The following ZNF551 variants were observed in gnomAD, a reference collection of about 807,000 sequenced individuals.
ZNF551 encodes KOX 23 protein (56 AA).
ZNF551 carries 5 observed loss-of-function variants against 7.9 expected under a neutral mutation model. The ratio of observed to expected loss-of-function variants is 0.63; its 90% CI spans 0.33 to 1.33. The LOEUF (loss-of-function observed/expected upper bound fraction) is 1.33. Ranked by LOEUF, ZNF551 falls within the 40% of genes most tolerant of loss-of-function variation. The probability of loss-of-function intolerance (pLI) is 0.05; values close to 1 mark genes in which losing one functional copy is unlikely to be tolerated. For missense variants in ZNF551, 788 were observed against 825.2 expected, an observed-to-expected ratio of 0.95 and a Z score of 0.55; for synonymous variants, 287 against 277.3, an observed-to-expected ratio of 1.03 and a Z score of -0.35.
At position 57,685,388 on chromosome 19, in the gene ZNF551, A is replaced by G; in HGVS notation, c.205+3A>G. ...CTTTGCACATGTAACATCCCTGGGT[A>G]AGGCCCTAGCATCCCTCCGAGTGTC... On this transcript the variant is annotated splice_donor_region_variant and intron_variant, in intron 2 of 2. Coordinates refer to ENST00000282296, the MANE Select transcript of ZNF551 (RefSeq NM_138347.5). The G allele has an allele frequency of 6.2e-7, 1 of 1,613,968 alleles. No homozygotes were observed. The highest frequency in any genetic ancestry group is 8.5e-7 in the Non-Finnish European group (1 of 1,179,944).
Position 57,686,849 on chromosome 19 carries a change from G to A in ZNF551, c.574G>A (p.Asp192Asn). 6.2e-7 allele frequency: 1 copy of A among 1,614,136 alleles called. No individual in the cohort carries two copies. Among genetic ancestry groups the A allele is most frequent in the South Asian group, 1.1e-5 (1 of 91,078 alleles). ...TCGEAFPAPTDLLQHEATPSG... is the reference protein window; with the variant it reads ...TCGEAFPAPTNLLQHEATPSG... ...TGGGGAGGCCTTCCCAGCCCCCACGGACCTACTCCAACACGAAGCCACTCC... is the reference window on the plus strand; with the variant it reads ...TGGGGAGGCCTTCCCAGCCCCCACGAACCTACTCCAACACGAAGCCACTCC... The change falls in exon 3 of 3, where the codon GAC (aspartate) becomes AAC (asparagine). Residue 192 changes from aspartate to asparagine, a missense_variant. Coordinates refer to ENST00000282296, the MANE Select transcript of ZNF551 (RefSeq NM_138347.5).
At position 57,686,674 on chromosome 19, in the gene ZNF551, G is replaced by C; in HGVS notation, c.399G>C (p.Leu133Phe). 1 of 1,614,180 alleles carries C rather than the reference G, an allele frequency of 6.2e-7. No individual in the cohort carries two copies. Among genetic ancestry groups the C allele is most frequent in the Non-Finnish European group, 8.5e-7 (1 of 1,180,040 alleles). ...CATCCCCTGTGCAAAAGTCATACTT[G>C]GGTAGCACAAGCATGAGAGGCTTCT... ...QTTSPVQKSY[L>F]GSTSMRGFCF... is the part of the protein sequence containing the mutation. Residue 133 changes from leucine (L) to phenylalanine (F), a missense_variant, in exon 3 of 3, where the codon TTG becomes TTC. By Grantham distance (22) the Leu-to-Phe change is conservative. Coordinates refer to ENST00000282296, the MANE Select transcript of ZNF551 (RefSeq NM_138347.5).
chr19:57,687,905 T>C lies in ZNF551; in HGVS notation c.1630T>C (p.Ser544Pro). 6.2e-7 allele frequency: 1 copy of C among 1,614,184 alleles called. No individual in the cohort carries two copies. The highest frequency in any genetic ancestry group is 8.5e-7 in the Non-Finnish European group (1 of 1,180,034). ...SECGKSFRQR[S>P]GLIQHRRLHT... ...ATGTGGCAAATCTTTTAGACAGCGC[T>C]CTGGCCTCATTCAGCACCGGAGACT... The change falls in exon 3 of 3, where the codon TCT becomes CCT. Residue 544 changes from serine to proline, a missense_variant. Coordinates refer to ENST00000282296, the MANE Select transcript of ZNF551 (RefSeq NM_138347.5).
chr19:57,690,016 G>A lies in ZNF551; in HGVS notation c.*1728G>A, dbSNP rs1984713530. 2 of 151,986 alleles carry A rather than the reference G, an allele frequency of 1.3e-5. No homozygotes were observed. Among genetic ancestry groups the A allele is most frequent in the South Asian group, 4.1e-4 (2 of 4,820 alleles). The allele number at this position is 151,986 out of a possible 1,614,324, so 9.4% of individuals were successfully genotyped here. A position where few individuals can be genotyped will look rare whatever the true frequency, so the allele number is the denominator to read the frequency against. On this transcript the variant is annotated 3_prime_UTR_variant, in exon 3 of 3. Transcript: ENST00000282296. Reference sequence around the variant, plus strand: ...GCTTGCCAAAATTTGCTGCCCCTGAGGCAAGGTTGCCTCTCTCAGGGCATG... The same window carrying A: ...GCTTGCCAAAATTTGCTGCCCCTGAAGCAAGGTTGCCTCTCTCAGGGCATG...
In ZNF551 at chr19:57,683,325, GAGAA is replaced by G. The variant is rs542863810; in HGVS notation, c.81+1085_81+1088del. Reference sequence around the variant, plus strand: ...TAGGGCTGCCTGAATTTTTAGTTTTGAGAAAGAGAGTGGAGTCAGGGATGACTGA... The same window carrying G: ...TAGGGCTGCCTGAATTTTTAGTTTTGAGAGAGTGGAGTCAGGGATGACTGA... On this transcript the variant is annotated intron_variant, in intron 1 of 2. Transcript: ENST00000282296. Among the ~76,000 whole-genome samples the G allele has an allele frequency of 2.4e-3, 363 of 152,326 alleles. 6 individuals carry two copies. Among genetic ancestry groups the G allele is most frequent in the African/African-American group, 8.4e-3 (351 of 41,572 alleles).
At position 57,688,143 on chromosome 19, in the gene ZNF551, C is replaced by T. The variant is rs755930136; in HGVS notation, c.1868C>T (p.Pro623Leu). 60 of 1,613,914 alleles carry T rather than the reference C, an allele frequency of 3.7e-5. No individual in the cohort carries two copies. The highest frequency in any genetic ancestry group is 1.6e-4 in the Middle Eastern group (1 of 6,084). ...RPYECSQCGK[P>L]FTHKSDLIQH... ...TATGAGTGCAGTCAATGTGGGAAAC[C>T]CTTTACCCACAAATCAGACCTTATT... Residue 623 changes from proline (P) to leucine (L), a missense_variant, in exon 3 of 3, where the codon CCC (proline) becomes CTC (leucine). By Grantham distance (98) the Pro-to-Leu change is moderately conservative (BLOSUM62 -3). Coordinates refer to ENST00000282296, the MANE Select transcript of ZNF551 (RefSeq NM_138347.5).
rs576177920 is a variant in ZNF551, at chr19:57,682,036, C to A, written c.-128C>A. 33 of 1,008,332 alleles carry A rather than the reference C, an allele frequency of 3.3e-5. No homozygotes were observed. The African/African-American group carries it at 4.5e-4, about 14-fold the overall frequency. 62.5% of individuals were successfully genotyped at this position (1,008,332 alleles called of 1,614,324 possible). A position where few individuals can be genotyped will look rare whatever the true frequency, so the allele number is the denominator to read the frequency against. On this transcript the variant is annotated 5_prime_UTR_variant, in exon 1 of 3. Coordinates refer to ENST00000282296, the MANE Select transcript of ZNF551 (RefSeq NM_138347.5). Reference sequence around the variant, plus strand: ...TGGCCTCTGTCCTGTTTGTCCAGCCCGCCAGTTTCTGCAGTGGAGGTCGCG... The same window carrying A: ...TGGCCTCTGTCCTGTTTGTCCAGCCAGCCAGTTTCTGCAGTGGAGGTCGCG...
chr19:57,684,999 T>C (rs897695895), intron 1 of ZNF551, among the ~76,000 whole-genome samples: 2 of 152,164 alleles, frequency 1.3e-5, no homozygotes, highest in African/African-American at 4.8e-5. Flanking sequence ...GTTCTCTCTC[T>C]AGCTGGTGTT....
intron 2 of ZNF551, 77 bp from the exon 3 acceptor site, chr19:57,686,404 C>G: frequency 1.9e-6 from 3 of 1,550,922 alleles, no homozygotes; most frequent in Non-Finnish European, 2.6e-6. Context: ...GTTCTTGTGT[C>G]TCACACATTT....
Position 57,690,352 on chromosome 19 carries a change from G to A in ZNF551, c.*2064G>A, listed in dbSNP as rs1020413402. ...TACAGTAAATTAGTTTGCATTTTCT[G>A]GAGTTTTTACTGAGATACATACACA... On this transcript the variant is annotated 3_prime_UTR_variant, in exon 3 of 3. Transcript: ENST00000282296. 6.7e-6 allele frequency: 1 copy of A among 148,654 alleles called. No individual in the cohort carries two copies. Among genetic ancestry groups the A allele is most frequent in the Non-Finnish European group, 1.5e-5 (1 of 67,666 alleles). 9.2% of individuals were successfully genotyped at this position (148,654 alleles called of 1,614,324 possible).
chr19:57,687,564 G>T lies in ZNF551; in HGVS notation c.1289G>T (p.Cys430Phe). The T allele has an allele frequency of 6.2e-7, 1 of 1,614,074 alleles. No homozygotes were observed. Among genetic ancestry groups the T allele is most frequent in the Non-Finnish European group, 8.5e-7 (1 of 1,180,014 alleles). The change falls in exon 3 of 3, where the codon TGC (cysteine) becomes TTC (phenylalanine). Residue 430 changes from cysteine to phenylalanine, a missense_variant. Cys to Phe is a radical substitution (Grantham distance 205). Transcript: ENST00000282296. ...QCSDCGKSFS[C>F]KSELIQHQRI... ...AGTGATTGTGGGAAATCTTTTAGCT[G>T]CAAATCGGAACTCATTCAACACCAG...
chr19:57,682,587 C>T (rs1984422281), intron 1 of ZNF551, among the ~76,000 whole-genome samples: 1 of 152,174 alleles, frequency 6.6e-6, no homozygotes, highest in Admixed American at 6.5e-5. Flanking sequence ...GATAGGGACA[C>T]TGGGCTAGGA....
intron 2 of ZNF551, among the ~76,000 whole-genome samples, chr19:57,686,030 A>C (rs1211476403): frequency 6.6e-6 from 1 of 152,160 alleles, no homozygotes; most frequent in Non-Finnish European, 1.5e-5. Flanking sequence ...TCAGTGTGTC[A>C]CTTGTTCGTC....
chr19:57,690,089 A>T lies in ZNF551; in HGVS notation c.*1801A>T, dbSNP rs961241572. 3.4e-5 allele frequency: 5 copies of T among 145,058 alleles called. No individual in the cohort carries two copies. Among genetic ancestry groups the T allele is most frequent in the African/African-American group, 4.9e-5 (2 of 40,730 alleles). 9.0% of individuals were successfully genotyped at this position (145,058 alleles called of 1,614,324 possible). On this transcript the variant is annotated 3_prime_UTR_variant, in exon 3 of 3. Transcript: ENST00000282296. ...TCCATATCAGGTTGCCACCCTGATTAAAAAAAAAGGAACATCTAGGCTCTT... is the reference window on the plus strand; with the variant it reads ...TCCATATCAGGTTGCCACCCTGATTTAAAAAAAAGGAACATCTAGGCTCTT...
At position 57,686,674 on chromosome 19, in the gene ZNF551, G is replaced by A; in HGVS notation, c.399G>A (p.Leu133=). The change falls in exon 3 of 3, where the codon TTG becomes TTA. Residue 133 remains leucine (L), a synonymous_variant. Transcript: ENST00000282296. ...CATCCCCTGTGCAAAAGTCATACTT[G>A]GGTAGCACAAGCATGAGAGGCTTCT... ...QTTSPVQKSY[L]GSTSMRGFCF... 1 of 1,614,180 alleles carries A rather than the reference G, an allele frequency of 6.2e-7. No homozygotes were observed. Among genetic ancestry groups the A allele is most frequent in the South Asian group, 1.1e-5 (1 of 91,082 alleles).
rs1366090338 is a variant in ZNF551, at chr19:57,687,081, A to G, written c.806A>G (p.His269Arg). The change falls in exon 3 of 3, where the codon CAC (histidine) becomes CGC (arginine). Residue 269 changes from histidine to arginine, a missense_variant. Physicochemically the swap from His to Arg is conservative, Grantham distance 29. Coordinates refer to ENST00000282296, the MANE Select transcript of ZNF551 (RefSeq NM_138347.5). Reference protein sequence around the residue: ...AFTCKNTLVQHQQIHTGQKMF... With the variant: ...AFTCKNTLVQRQQIHTGQKMF... ...ACTTGCAAGAACACACTTGTTCAGC[A>G]CCAGCAAATTCACACTGGACAAAAG... The G allele has an allele frequency of 6.2e-7, 1 of 1,614,244 alleles. No individual in the cohort carries two copies. Among genetic ancestry groups the G allele is most frequent in the South Asian group, 1.1e-5 (1 of 91,092 alleles).
Position 57,687,112 on chromosome 19 carries a change from TGAGTG to T in ZNF551, c.838_842del (p.Glu280Ter). 6.2e-7 allele frequency: 1 copy of T among 1,614,256 alleles called. No homozygotes were observed. Among genetic ancestry groups the T allele is most frequent in the Non-Finnish European group, 8.5e-7 (1 of 1,180,048 alleles). On this transcript the variant is annotated frameshift_variant, in exon 3 of 3. Transcript: ENST00000282296. LOFTEE classifies it low-confidence loss of function (END_TRUNC). ...AAATTCACACTGGACAAAAGATGTTTGAGTGTAGTGAATGTGAGGAATCCTTTAGC... is the reference window on the plus strand; with the variant it reads ...AAATTCACACTGGACAAAAGATGTTTTAGTGAATGTGAGGAATCCTTTAGC...
chr19:57,686,158 C>T (rs1445067186), intron 2 of ZNF551, among the ~76,000 whole-genome samples: 1 of 152,170 alleles, frequency 6.6e-6, no homozygotes, highest in Non-Finnish European at 1.5e-5. Flanking sequence ...TTGGATTTTC[C>T]TAGGACTGGA....
rs1984398997 is a variant in ZNF551 at position 57,682,091 on chromosome 19, A to G, written c.-73A>G. 2.7e-6 allele frequency: 4 copies of G among 1,480,510 alleles called. No homozygotes were observed. In the Admixed American group the frequency reaches 8.2e-5, roughly 30 times the overall value. 91.7% of individuals were successfully genotyped at this position (1,480,510 alleles called of 1,614,324 possible). On this transcript the variant is annotated 5_prime_UTR_variant, in exon 1 of 3. Coordinates refer to ENST00000282296, the MANE Select transcript of ZNF551 (RefSeq NM_138347.5). ...AGGGACGGGACAGAGAAGTCGCGAA[A>G]GTGGGCCAGAGGTTCTGCGACACCA...
Sources: allele counts gnomAD v4.1 joint callset (sites outside exome capture counted in the v4.1 genomes callset), GRCh38; gene constraint gnomAD v4.1.1; transcripts MANE v1.5; gene names NCBI Gene and HGNC (gene_info 2026-07-23, HGNC 2026-07-21).